The following VWA3A variants were observed in gnomAD, a reference collection of about 807,000 sequenced individuals.
The protein encoded by VWA3A is von Willebrand factor A domain containing 3A, also known as von Willebrand factor A domain-containing protein 3A.
In VWA3A, 134 loss-of-function variants were observed where a neutral mutation model predicts 160.4. The observed-to-expected ratio is 0.84, with a 90% confidence interval of 0.73 to 0.96. VWA3A has a LOEUF of 0.96. VWA3A is among the 40% of genes least tolerant of loss of function. The pLI, the probability that VWA3A is intolerant of heterozygous loss-of-function variation, is 0.00. For synonymous variants in VWA3A, 476 were observed against 543.4 expected (o/e 0.88, Z 1.72); for missense variants, 1,310 against 1,447.9 (o/e 0.90, Z 1.55).
chr16:22,131,731 T>A lies in VWA3A; in HGVS notation c.1872+2T>A. The A allele has an allele frequency of 6.2e-7, 1 of 1,612,652 alleles. No homozygotes were observed. The highest frequency in any genetic ancestry group is 8.5e-7 in the Non-Finnish European group (1 of 1,179,162). ...GGGGGCATCCCCGACCAGGACATGG[T>A]GGGTAGGCCACGTCCTGGGTGTCCA... On this transcript the variant is annotated splice_donor_variant, in intron 19 of 33. Coordinates refer to ENST00000389398, the MANE Select transcript of VWA3A (RefSeq NM_173615.5). LOFTEE classifies it high-confidence loss of function.
chr16:22,115,667 T>TAA (rs560660662), intron 9 of VWA3A, among the ~76,000 whole-genome samples, 195 bp downstream of exon 9: 7 of 140,316 alleles, frequency 5.0e-5, no homozygotes, highest in African/African-American at 1.3e-4. Flanking sequence ...CCCTATCTCT[T>TAA]AAAAAAAAAA....
intron 8 of VWA3A, among the ~76,000 whole-genome samples, chr16:22,113,736 C>CT (rs2045591110): frequency 6.6e-6 from 1 of 151,832 alleles, no homozygotes; most frequent in African/African-American, 2.4e-5. Context: ...GTAGCAGGGA[C>CT]TACAAGGGTG....
At chr16:22,147,198 A>G (rs1235837392) in intron 27 of VWA3A, among the ~76,000 whole-genome samples, 2 of 151,670 alleles carry the variant, frequency 1.3e-5, no homozygotes, top group African/African-American at 4.8e-5. Flanking sequence ...TACTTTATTT[A>G]TTTTTTTTAG....
In VWA3A at chr16:22,121,497, T is replaced by C; in HGVS notation, c.1253-17T>C. On this transcript the variant is annotated splice_polypyrimidine_tract_variant and intron_variant, in intron 13 of 33. Transcript: ENST00000389398. ...AGCTTCTCAGGCAGTGCCTCCAACC[T>C]CACACTTTTTTTTCAGCCAAGAAAT... The C allele has an allele frequency of 6.2e-7, 1 of 1,600,822 alleles. No homozygotes were observed. Among genetic ancestry groups the C allele is most frequent in the Non-Finnish European group, 8.6e-7 (1 of 1,169,180 alleles).
intron 21 of VWA3A, 127 bp from the exon 22 acceptor site, chr16:22,138,233 G>A (rs549940523): frequency 8.4e-7 from 1 of 1,189,592 alleles, no homozygotes; most frequent in Non-Finnish European, 1.1e-6. Context: ...TGGCTTTCTA[G>A]GGACAAAAAG....
intron 23 of VWA3A, 145 bp downstream of exon 23, chr16:22,140,389 C>T: frequency 1.4e-6 from 1 of 716,444 alleles, no homozygotes; most frequent in Non-Finnish European, 2.3e-6. Context: ...GGAAGGATCA[C>T]TTGAGGTCAG....
intron 8 of VWA3A, among the ~76,000 whole-genome samples, chr16:22,114,570 C>G (rs977721994): frequency 8.5e-5 from 13 of 152,156 alleles, no homozygotes; most frequent in African/African-American, 3.1e-4. Flanking sequence ...CTGGGCAAGT[C>G]CTAACTCAGT....
intron 11 of VWA3A, among the ~76,000 whole-genome samples, chr16:22,117,907 G>A (rs1007489567): frequency 1.3e-5 from 2 of 152,156 alleles, no homozygotes; most frequent in Admixed American, 1.3e-4. Context: ...GACTCTCTCT[G>A]CAGGTGACTC....
chr16:22,124,417 T>C (rs1334901779), intron 16 of VWA3A, among the ~76,000 whole-genome samples: 1 of 151,284 alleles, frequency 6.6e-6, no homozygotes, highest in African/African-American at 2.4e-5. Flanking sequence ...GATGAGGTAA[T>C]GGATGCTGAG....
At chr16:22,150,416 T>TA (rs1038836538) in intron 29 of VWA3A, among the ~76,000 whole-genome samples, 28 of 151,824 alleles carry the variant, frequency 1.8e-4, no homozygotes, top group Admixed American at 5.2e-4. Flanking sequence ...AAATAAAAAT[T>TA]AAAAAAAATA....
intron 16 of VWA3A, among the ~76,000 whole-genome samples, chr16:22,124,504 G>A (rs1369543224): frequency 6.7e-6 from 1 of 148,706 alleles, no homozygotes; most frequent in Non-Finnish European, 1.5e-5. Context: ...CATTTACAAA[G>A]TATTATATTT....
chr16:22,107,888 C>G (rs1828601784), intron 6 of VWA3A, among the ~76,000 whole-genome samples: 1 of 152,002 alleles, frequency 6.6e-6, no homozygotes, highest in Non-Finnish European at 1.5e-5. Flanking sequence ...GGAGGAGGGG[C>G]TCTCTAGGAA....
At chr16:22,130,265 G>A (rs1328090926) in intron 17 of VWA3A, among the ~76,000 whole-genome samples, 1 of 152,182 alleles carries the variant, frequency 6.6e-6, no homozygotes, top group Non-Finnish European at 1.5e-5. Context: ...TTTCCAGGGA[G>A]CTTGTCCACA....
At chr16:22,113,845 C>T (rs999566912) in intron 8 of VWA3A, among the ~76,000 whole-genome samples, 2 of 151,744 alleles carry the variant, frequency 1.3e-5, no homozygotes, top group Admixed American at 6.6e-5. Context: ...GTGGTCCTCC[C>T]GCCTCAGCCT....
At position 22,097,579 on chromosome 16, in the gene VWA3A, A is replaced by T; in HGVS notation, c.109A>T (p.Arg37Ter). The T allele has an allele frequency of 6.4e-7, 1 of 1,551,588 alleles. No individual in the cohort carries two copies. The highest frequency in any genetic ancestry group is 8.7e-7 in the Non-Finnish European group (1 of 1,146,958). Residue 37 changes from arginine to a stop codon, truncating the protein, a stop_gained, in exon 3 of 34, where the codon AGA becomes TGA. Transcript: ENST00000389398. LOFTEE classifies it high-confidence loss of function. ...TTACTTTATGTTTTGTAGCATTAGG[A>T]GAAACACTGGCAGAGATTCAAAGAA... is the stretch of plus-strand genomic sequence containing the variant. ...NMFLENHCIR[R>*]NTGRDSKKPL...
chr16:22,103,976 CA>C (rs1423856514), intron 6 of VWA3A, among the ~76,000 whole-genome samples: 1 of 152,080 alleles, frequency 6.6e-6, no homozygotes, highest in Non-Finnish European at 1.5e-5. Context: ...AAATAAAAGA[CA>C]GGGGGGAAGG....
chr16:22,123,738 C>T (rs757572482), intron 16 of VWA3A, 31 bp downstream of exon 16: 2 of 1,592,044 alleles, frequency 1.3e-6, no homozygotes, highest in East Asian at 2.2e-5. Flanking sequence ...TCTTATCCTT[C>T]ATGGGTCTGG....
rs375172383 is a variant in VWA3A, at chr16:22,140,292, G to A, written c.2383+48G>A. 1,885 of 1,573,320 alleles carry A rather than the reference G, an allele frequency of 1.2e-3. 2 individuals are homozygous for A. The highest frequency in any genetic ancestry group is 1.5e-3 in the Non-Finnish European group (1,678 of 1,148,300). ...CAGGGTGGAGGGATGTCACGGTCAC[G>A]GCTGAGGCATGGGTTAATAATGATA... On this transcript the variant is annotated intron_variant, in intron 23 of 33. Coordinates refer to ENST00000389398, the MANE Select transcript of VWA3A (RefSeq NM_173615.5).
chr16:22,144,601 G>A (rs926185560), intron 26 of VWA3A, among the ~76,000 whole-genome samples: 3 of 152,044 alleles, frequency 2.0e-5, no homozygotes, highest in Non-Finnish European at 4.4e-5. Context: ...GGTTAGATGA[G>A]CTCATTGGAA....
Sources: gnomAD v4.1 joint callset for allele counts (sites outside exome capture counted in the v4.1 genomes callset) on GRCh38, gnomAD v4.1.1 for gene constraint, MANE v1.5 for transcripts, NCBI Gene and HGNC (gene_info 2026-07-23, HGNC 2026-07-21) for gene names.